CHD9NB: variants seen among roughly 807,000 people sequenced by gnomAD.
CHD9NB encodes the protein CHD9 neighbor protein.
the CHD9NB span, among the ~76,000 whole-genome samples, chr16:53,046,527 A>G: frequency 6.9e-6 from 1 of 145,742 alleles, no homozygotes; most frequent in Non-Finnish European, 1.5e-5. Context: ...AAAAAAAAAA[A>G]TACAAAAATT....
At chr16:53,048,417 A>C in the CHD9NB span, among the ~76,000 whole-genome samples, 1 of 152,226 alleles carries the variant, frequency 6.6e-6, no homozygotes, top group Non-Finnish European at 1.5e-5. Context: ...CTGTCTCCAA[A>C]ACAAAAAAGG....
At chr16:53,051,768 AAT>A in the CHD9NB span, among the ~76,000 whole-genome samples, 2,515 of 103,010 alleles carry the variant, frequency 0.024, 31 homozygotes, top group East Asian at 0.045. Context: ...TAAAAGTATA[AAT>A]ATATATATAT....
At chr16:53,046,084 C>G in the CHD9NB span, among the ~76,000 whole-genome samples, 1 of 152,158 alleles carries the variant, frequency 6.6e-6, no homozygotes, top group Non-Finnish European at 1.5e-5. Flanking sequence ...ATTTACCTCT[C>G]CCACATAAAT....
At chr16:53,044,276 G>C in the CHD9NB span, 1 of 397,256 alleles carries the variant, frequency 2.5e-6, no homozygotes, top group South Asian at 1.4e-4. Flanking sequence ...GTTGAAAAGA[G>C]CCAGTTCCGT....
At chr16:53,047,784 G>A in the CHD9NB span, among the ~76,000 whole-genome samples, 3 of 152,048 alleles carry the variant, frequency 2.0e-5, no homozygotes, top group Non-Finnish European at 4.4e-5. Flanking sequence ...GATCACTTGA[G>A]GTCAGGAGTT....
At chr16:53,049,499 A>G in the CHD9NB span, among the ~76,000 whole-genome samples, 1 of 152,184 alleles carries the variant, frequency 6.6e-6, no homozygotes, top group Non-Finnish European at 1.5e-5. Flanking sequence ...ATTCAGGGGC[A>G]TAGAATCTGC....
chr16:53,051,540 G>A, the CHD9NB span, among the ~76,000 whole-genome samples: 2 of 143,712 alleles, frequency 1.4e-5, 1 homozygote, highest in Admixed American at 1.4e-4. Context: ...AACACCGCAT[G>A]TTCTCACTCA....
At chr16:53,043,802 A>C in the CHD9NB span, 1 of 388,634 alleles carries the variant, frequency 2.6e-6, no homozygotes, top group East Asian at 3.6e-5. Flanking sequence ...GGGAAATAGG[A>C]TTCCTTATAG....
the CHD9NB span, among the ~76,000 whole-genome samples, chr16:53,036,152 G>C: frequency 6.6e-6 from 1 of 152,166 alleles, no homozygotes. Flanking sequence ...CTGGTCTTTA[G>C]AGCTCAAATT....
chr16:53,049,324 G>A, the CHD9NB span, among the ~76,000 whole-genome samples: 2 of 30,680 alleles, frequency 6.5e-5, no homozygotes, highest in Non-Finnish European at 2.5e-4. Flanking sequence ...CCCAGCTGTT[G>A]TGTGTGTGTG....
chr16:53,049,309 C>A, the CHD9NB span, among the ~76,000 whole-genome samples: 26 of 147,310 alleles, frequency 1.8e-4, no homozygotes, highest in East Asian at 7.9e-4. Flanking sequence ...GCGTGTGCCA[C>A]CACCCCCAGC....
the CHD9NB span, among the ~76,000 whole-genome samples, chr16:53,037,355 A>C: frequency 6.6e-6 from 1 of 152,234 alleles, no homozygotes; most frequent in African/African-American, 2.4e-5. Context: ...TGTTGGGTTC[A>C]GCAGTTTGAG....
the CHD9NB span, among the ~76,000 whole-genome samples, chr16:53,052,332 G>A: frequency 2.0e-5 from 3 of 152,088 alleles, no homozygotes; most frequent in Admixed American, 1.3e-4. Flanking sequence ...CCTTGAGCTC[G>A]AATTTGTGGC....
At chr16:53,037,490 C>G in the CHD9NB span, among the ~76,000 whole-genome samples, 1 of 152,080 alleles carries the variant, frequency 6.6e-6, no homozygotes, top group Non-Finnish European at 1.5e-5. Context: ...ATCAACTTAA[C>G]AAAAGAGAGA....
chr16:53,042,987 C>T, the CHD9NB span: 1 of 152,236 alleles, frequency 6.6e-6, no homozygotes, highest in Admixed American at 6.5e-5. Flanking sequence ...GCAACGGCTC[C>T]CTCGCCTCTG....
chr16:53,036,402 C>A, the CHD9NB span, among the ~76,000 whole-genome samples: 1 of 152,204 alleles, frequency 6.6e-6, no homozygotes, highest in East Asian at 1.9e-4. Flanking sequence ...TCGCTGGCTC[C>A]TTTGCAGCTT....
the CHD9NB span, among the ~76,000 whole-genome samples, chr16:53,050,065 G>C: frequency 6.6e-6 from 1 of 152,064 alleles, no homozygotes; most frequent in Non-Finnish European, 1.5e-5. Context: ...TTAGCCAGTC[G>C]TGGTGGTAGG....
At chr16:53,039,061 C>T in the CHD9NB span, among the ~76,000 whole-genome samples, 2 of 152,142 alleles carry the variant, frequency 1.3e-5, no homozygotes, top group East Asian at 3.9e-4. Context: ...GGTATTCATG[C>T]TTCTAGCTTT....
At chr16:53,038,743 A>C in the CHD9NB span, among the ~76,000 whole-genome samples, 1 of 152,158 alleles carries the variant, frequency 6.6e-6, no homozygotes, top group Non-Finnish European at 1.5e-5. Flanking sequence ...CTTAATTCAG[A>C]ATACAACAAG....
Sources: gnomAD v4.1 joint callset for allele counts (sites outside exome capture counted in the v4.1 genomes callset) on GRCh38, gnomAD v4.1.1 for gene constraint, MANE v1.5 for transcripts, NCBI Gene and HGNC (gene_info 2026-07-23, HGNC 2026-07-21) for gene names.